Variants in GRM8 observed in about 807,000 individuals in gnomAD.
GRM8 encodes metabotropic glutamate receptor 8.
Under a neutral mutation model 87.2 loss-of-function variants are expected in GRM8, and 47 were observed. That is an observed-to-expected ratio of 0.54 (90% CI 0.43 to 0.69). GRM8 has a LOEUF of 0.69. Ranked by LOEUF, GRM8 falls within the 30% of genes least tolerant of loss-of-function variation. GRM8 has a pLI of 0.00. For synonymous variants in GRM8, 396 were observed against 404.5 expected (o/e 0.98, Z 0.25); for missense variants, 1,019 against 1,139.2 (o/e 0.89, Z 1.52).
At chr7:126,590,694 C>G (rs566380677) in intron 8 of GRM8, among the ~76,000 whole-genome samples, 1 of 152,158 alleles carries the variant, frequency 6.6e-6, no homozygotes, top group African/African-American at 2.4e-5. Context: ...ACCCTCCACA[C>G]TAGAAGAGAT....
chr7:126,841,632 AT>A (rs573365799), intron 6 of GRM8, among the ~76,000 whole-genome samples: 348 of 145,206 alleles, frequency 2.4e-3, no homozygotes, highest in East Asian at 9.0e-3. Context: ...TTGGATTATT[AT>A]TTTTTTTTTT....
chr7:127,233,338 A>T (rs959037223), intron 2 of GRM8, among the ~76,000 whole-genome samples: 1 of 152,190 alleles, frequency 6.6e-6, no homozygotes, highest in Admixed American at 6.5e-5. Flanking sequence ...TATAATTTGA[A>T]CAGACATCTC....
At chr7:126,860,018 C>A (rs2130804261) in intron 6 of GRM8, among the ~76,000 whole-genome samples, 2 of 151,876 alleles carry the variant, frequency 1.3e-5, no homozygotes, top group African/African-American at 4.8e-5. Context: ...TTATTTATTA[C>A]AGAATTAAGT....
intron 3 of GRM8, among the ~76,000 whole-genome samples, chr7:127,025,883 G>A (rs1426785220): frequency 6.6e-6 from 1 of 151,886 alleles, no homozygotes; most frequent in Non-Finnish European, 1.5e-5. Context: ...TTAAGTTCTA[G>A]GGTACATGGG....
At chr7:126,807,364 C>G (rs998610362) in intron 6 of GRM8, among the ~76,000 whole-genome samples, 27 of 152,070 alleles carry the variant, frequency 1.8e-4, no homozygotes, top group African/African-American at 6.5e-4. Context: ...AATAAGATTT[C>G]TCAGGCCTAA....
intron 7 of GRM8, among the ~76,000 whole-genome samples, chr7:126,769,004 C>A (rs1818542320): frequency 6.6e-6 from 1 of 151,464 alleles, no homozygotes; most frequent in Non-Finnish European, 1.5e-5. Flanking sequence ...CTGAGAAACG[C>A]TGGCAACTGA....
chr7:127,218,776 T>C (rs1257866491), intron 2 of GRM8, among the ~76,000 whole-genome samples: 1 of 152,232 alleles, frequency 6.6e-6, no homozygotes, highest in Admixed American at 6.5e-5. Context: ...AGTAGTGTTG[T>C]CTTTGGAGAT....
rs111395664 is a variant in GRM8, at chr7:126,841,108, A to G, written c.1156+61434T>C. On this transcript the variant is annotated intron_variant, in intron 6 of 10. Coordinates refer to ENST00000339582, the MANE Select transcript of GRM8 (RefSeq NM_000845.3). ...CACTATCAGGACCAGAAAGCCATTC[A>G]GCAATGCTTGTCATGTCTTGCTATA... is the stretch of plus-strand genomic sequence containing the variant. Among the ~76,000 whole-genome samples, 1,091 of 152,364 alleles carry G rather than the reference A, an allele frequency of 7.2e-3. 5 individuals carry two copies. The highest frequency in any genetic ancestry group is 0.024 in the African/African-American group (1,007 of 41,588).
At chr7:126,710,157 T>C (rs1810957263) in intron 7 of GRM8, among the ~76,000 whole-genome samples, 1 of 152,248 alleles carries the variant, frequency 6.6e-6, no homozygotes. Flanking sequence ...AAAATGCTAA[T>C]TATCATCTGA....
intron 7 of GRM8, among the ~76,000 whole-genome samples, chr7:126,684,687 C>T (rs1807977431): frequency 6.6e-6 from 1 of 152,148 alleles, no homozygotes; most frequent in Non-Finnish European, 1.5e-5. Context: ...TTAAATGTGA[C>T]CAAAACTGCA....
intron 7 of GRM8, among the ~76,000 whole-genome samples, chr7:126,634,769 G>A (rs1239322297): frequency 6.6e-6 from 1 of 152,052 alleles, no homozygotes; most frequent in Non-Finnish European, 1.5e-5. Flanking sequence ...ATTTGCAGAC[G>A]TTATGAGTAT....
intron 3 of GRM8, among the ~76,000 whole-genome samples, chr7:126,907,081 C>T (rs1465446438): frequency 3.5e-5 from 5 of 141,234 alleles, no homozygotes; most frequent in East Asian, 4.1e-4. Flanking sequence ...AGAATGGAGA[C>T]GAGAAAGAAG....
chr7:126,664,935 A>G (rs189939332), intron 7 of GRM8, among the ~76,000 whole-genome samples: 2 of 152,272 alleles, frequency 1.3e-5, no homozygotes, highest in African/African-American at 4.8e-5. Context: ...GTAAAAACCA[A>G]TAACTCCACT....
At chr7:127,178,952 C>CA (rs978379254) in intron 2 of GRM8, among the ~76,000 whole-genome samples, 1 of 151,764 alleles carries the variant, frequency 6.6e-6, no homozygotes, top group Non-Finnish European at 1.5e-5. Flanking sequence ...AAACAAAAAG[C>CA]AAAAAAATCA....
chr7:126,737,630 T>C (rs1040850328), intron 7 of GRM8, among the ~76,000 whole-genome samples: 1 of 152,080 alleles, frequency 6.6e-6, no homozygotes, highest in Non-Finnish European at 1.5e-5. Flanking sequence ...CACTAGTATG[T>C]AATTTTTCCA....
At chr7:127,116,915 A>G (rs1221241663) in intron 2 of GRM8, among the ~76,000 whole-genome samples, 1 of 152,240 alleles carries the variant, frequency 6.6e-6, no homozygotes, top group African/African-American at 2.4e-5. Context: ...TATCAAGAAA[A>G]TGCTACGTAA....
intron 10 of GRM8, among the ~76,000 whole-genome samples, chr7:126,445,616 C>A (rs936186098): frequency 6.6e-6 from 1 of 151,954 alleles, no homozygotes; most frequent in Non-Finnish European, 1.5e-5. Flanking sequence ...GGAAAGGGGA[C>A]CACGTGGGAG....
At chr7:127,023,923 G>A (rs1816519411) in intron 3 of GRM8, among the ~76,000 whole-genome samples, 1 of 152,072 alleles carries the variant, frequency 6.6e-6, no homozygotes, top group South Asian at 2.1e-4. Context: ...AAAATGATCA[G>A]TAATTTTTCT....
chr7:127,173,767 A>T (rs1028503584), intron 2 of GRM8, among the ~76,000 whole-genome samples: 1 of 152,102 alleles, frequency 6.6e-6, no homozygotes, highest in Non-Finnish European at 1.5e-5. Flanking sequence ...TAGGAGTACC[A>T]TTCTTCCCTG....
Sources: gnomAD v4.1 joint callset for allele counts (sites outside exome capture counted in the v4.1 genomes callset) on GRCh38, gnomAD v4.1.1 for gene constraint, MANE v1.5 for transcripts, NCBI Gene and HGNC (gene_info 2026-07-23, HGNC 2026-07-21) for gene names.